GPC5: variants seen among roughly 807,000 people sequenced by gnomAD.
GPC5 encodes the protein glypican-5.
GPC5 carries 47 observed loss-of-function variants against 53.9 expected under a neutral mutation model. The ratio of observed to expected loss-of-function variants is 0.87; its 90% CI spans 0.69 to 1.11. The LOEUF (loss-of-function observed/expected upper bound fraction) is 1.11. GPC5 is among the 50% of genes most tolerant of loss of function. GPC5 has a pLI of 0.00. For synonymous variants in GPC5, 286 were observed against 263.3 expected (o/e 1.09, Z -0.84); for missense variants, 748 against 713.1 (o/e 1.05, Z -0.56).
chr13:91,515,430 T>C (rs755477179), intron 2 of GPC5, among the ~76,000 whole-genome samples: 27 of 152,206 alleles, frequency 1.8e-4, no homozygotes, highest in Admixed American at 9.8e-4. Flanking sequence ...CCTCTTGAGA[T>C]GACATTCAGT....
At chr13:92,143,765 C>G (rs555972826) in intron 6 of GPC5, among the ~76,000 whole-genome samples, 4 of 152,102 alleles carry the variant, frequency 2.6e-5, no homozygotes, top group Admixed American at 1.3e-4. Flanking sequence ...TGTTAGATAT[C>G]CTGAGGCTAT....
rs188195884 is a variant in GPC5 at position 92,023,864 on chromosome 13, T to G, written c.1401+115807T>G. ...ATTCCCAAGACTTGTTTACATAGAATTCACTCAATAAGTAGAATCAAGTCA... is the reference window on the plus strand; with the variant it reads ...ATTCCCAAGACTTGTTTACATAGAAGTCACTCAATAAGTAGAATCAAGTCA... On this transcript the variant is annotated intron_variant, in intron 6 of 7. Transcript: ENST00000377067. Among the ~76,000 whole-genome samples, 231 of 152,264 alleles carry G rather than the reference T, an allele frequency of 1.5e-3. 2 individuals carry two copies. The highest frequency in any genetic ancestry group is 5.4e-3 in the African/African-American group (223 of 41,568).
intron 6 of GPC5, among the ~76,000 whole-genome samples, chr13:91,924,547 A>G (rs2039748085): frequency 1.3e-5 from 2 of 151,956 alleles, no homozygotes; most frequent in Admixed American, 6.6e-5. Context: ...CAACATGGTG[A>G]AAACCCATCT....
intron 7 of GPC5, among the ~76,000 whole-genome samples, chr13:92,613,308 T>C (rs1318663462): frequency 2.7e-5 from 3 of 109,734 alleles, no homozygotes; most frequent in South Asian, 5.0e-4. Flanking sequence ...AAATATATAA[T>C]GTATATAATA....
intron 5 of GPC5, among the ~76,000 whole-genome samples, chr13:91,905,943 G>A (rs1436452944): frequency 8.5e-5 from 13 of 152,168 alleles, no homozygotes; most frequent in South Asian, 2.1e-4. Context: ...CAACATGGAT[G>A]ACTTGTATAG....
intron 7 of GPC5, among the ~76,000 whole-genome samples, chr13:92,666,248 G>A (rs2139196584): frequency 6.6e-6 from 1 of 152,124 alleles, no homozygotes; most frequent in South Asian, 2.1e-4. Flanking sequence ...TGTTGTTTAG[G>A]ATACTTCCTG....
chr13:92,423,865 T>C (rs533119090), intron 7 of GPC5, among the ~76,000 whole-genome samples: 2 of 152,284 alleles, frequency 1.3e-5, no homozygotes, highest in African/African-American at 2.4e-5. Flanking sequence ...TTTTAATGCA[T>C]ACTACGCAGA....
At chr13:91,798,236 C>A (rs1231967297) in intron 5 of GPC5, among the ~76,000 whole-genome samples, 1 of 152,186 alleles carries the variant, frequency 6.6e-6, no homozygotes, top group African/African-American at 2.4e-5. Context: ...AGGTTTGTTA[C>A]ATAGGTAAAC....
intron 7 of GPC5, among the ~76,000 whole-genome samples, chr13:92,562,342 C>A (rs1882727250): frequency 6.6e-6 from 1 of 152,064 alleles, no homozygotes; most frequent in Non-Finnish European, 1.5e-5. Context: ...TCTCCTTCCA[C>A]CATATTCTCT....
chr13:91,512,392 G>A (rs1297466034), intron 2 of GPC5, among the ~76,000 whole-genome samples: 1 of 152,184 alleles, frequency 6.6e-6, no homozygotes, highest in African/African-American at 2.4e-5. Context: ...AAGTCCTAGA[G>A]TATCTTGGGG....
At chr13:92,681,990 T>A (rs1314949507) in intron 7 of GPC5, among the ~76,000 whole-genome samples, 1 of 152,220 alleles carries the variant, frequency 6.6e-6, no homozygotes, top group Non-Finnish European at 1.5e-5. Flanking sequence ...TATGCATATT[T>A]CCCCCACTGG....
chr13:91,411,814 A>T (rs537323139), intron 1 of GPC5, among the ~76,000 whole-genome samples: 1 of 152,312 alleles, frequency 6.6e-6, no homozygotes, highest in Admixed American at 6.5e-5. Flanking sequence ...AGGATTCTGT[A>T]TGATAACACT....
chr13:91,755,186 T>C (rs1367094521), intron 4 of GPC5, among the ~76,000 whole-genome samples: 3 of 152,052 alleles, frequency 2.0e-5, no homozygotes, highest in Non-Finnish European at 4.4e-5. Context: ...GTAACAGAGC[T>C]GACAAAATGA....
chr13:92,497,894 G>T (rs535397864), intron 7 of GPC5, among the ~76,000 whole-genome samples: 1 of 151,970 alleles, frequency 6.6e-6, no homozygotes, highest in Non-Finnish European at 1.5e-5. Context: ...CTCTCTGCTT[G>T]TCTATTCTTG....
At chr13:92,125,917 TTTTTTG>T (rs2041691214) in intron 6 of GPC5, among the ~76,000 whole-genome samples, 1 of 48,850 alleles carries the variant, frequency 2.0e-5, no homozygotes, top group East Asian at 3.8e-3. Flanking sequence ...GAAACATTTG[TTTTTTG>T]GTTTTTTTTT....
chr13:92,006,020 C>T (rs959757790), intron 6 of GPC5, among the ~76,000 whole-genome samples: 31 of 152,056 alleles, frequency 2.0e-4, no homozygotes, highest in African/African-American at 6.5e-4. Context: ...TAGCATCTAC[C>T]CCAAGACATG....
intron 7 of GPC5, among the ~76,000 whole-genome samples, chr13:92,355,321 A>G (rs2043512959): frequency 6.6e-6 from 1 of 151,900 alleles, no homozygotes; most frequent in African/African-American, 2.4e-5. Context: ...ACCTTATTAT[A>G]TTTTAAGTTA....
chr13:92,786,765 A>G (rs553851954), intron 7 of GPC5, among the ~76,000 whole-genome samples: 2 of 152,308 alleles, frequency 1.3e-5, no homozygotes, highest in East Asian at 3.9e-4. Context: ...CAGAGTCATG[A>G]GTGCTGTGGC....
intron 7 of GPC5, among the ~76,000 whole-genome samples, chr13:92,642,560 T>G (rs1386509798): frequency 6.6e-6 from 1 of 152,226 alleles, no homozygotes; most frequent in African/African-American, 2.4e-5. Context: ...CTCTGTCTAC[T>G]AAATCGTGTG....
Sources: gnomAD v4.1 joint callset for allele counts (sites outside exome capture counted in the v4.1 genomes callset) on GRCh38, gnomAD v4.1.1 for gene constraint, MANE v1.5 for transcripts, NCBI Gene and HGNC (gene_info 2026-07-23, HGNC 2026-07-21) for gene names.